PLA2G4E: variants seen among roughly 807,000 people sequenced by gnomAD.
The protein encoded by PLA2G4E is phospholipase A2 group IVE, also known as cytosolic phospholipase A2 epsilon.
In PLA2G4E, 84 loss-of-function variants were observed where a neutral mutation model predicts 109.1. The ratio of observed to expected loss-of-function variants is 0.77; its 90% CI spans 0.65 to 0.92. The LOEUF (loss-of-function observed/expected upper bound fraction) is 0.92, where lower values mean the gene tolerates loss of function less well. Among genes scored for constraint, PLA2G4E ranks in the 40% least tolerant of loss-of-function variants. The pLI, the probability that PLA2G4E is intolerant of heterozygous loss-of-function variation, is 0.00. For synonymous variants in PLA2G4E, 469 were observed against 436.1 expected, an observed-to-expected ratio of 1.08 and a Z score of -0.94; for missense variants, 1,057 against 1,076.6, an observed-to-expected ratio of 0.98 and a Z score of 0.25.
At chr15:42,035,159 C>T (rs981018793) in intron 1 of PLA2G4E, among the ~76,000 whole-genome samples, 2 of 152,250 alleles carry the variant, frequency 1.3e-5, no homozygotes, top group East Asian at 1.9e-4. Flanking sequence ...TTCTCCGAAT[C>T]GTGGGGGAAG....
chr15:42,019,917 C>T (rs1161436509), intron 1 of PLA2G4E, among the ~76,000 whole-genome samples: 2 of 152,224 alleles, frequency 1.3e-5, no homozygotes, highest in African/African-American at 2.4e-5. Context: ...TGCTTCACTG[C>T]CCCCTTTGAG....
At chr15:42,035,832 T>C (rs1235053982) in intron 1 of PLA2G4E, among the ~76,000 whole-genome samples, 1 of 152,208 alleles carries the variant, frequency 6.6e-6, no homozygotes, top group Non-Finnish European at 1.5e-5. Flanking sequence ...TATTGCTTTA[T>C]ACTTTTTTAA....
intron 1 of PLA2G4E, among the ~76,000 whole-genome samples, chr15:42,026,972 CAA>C (rs35499215): frequency 8.6e-5 from 12 of 140,248 alleles, no homozygotes; most frequent in Admixed American, 3.6e-4. Context: ...GACTCTATCT[CAA>C]AAAAAAAAAA....
chr15:41,987,224 C>T (rs751657528), exon 17 of PLA2G4E: 1 of 1,613,972 alleles, frequency 6.2e-7, no homozygotes, highest in Non-Finnish European at 8.5e-7. Context: ...GCAGCTGCAG[C>T]CCAGACAGGA....
At chr15:41,984,881 G>A (rs977323991) in intron 18 of PLA2G4E, among the ~76,000 whole-genome samples, 1 of 152,242 alleles carries the variant, frequency 6.6e-6, no homozygotes, top group African/African-American at 2.4e-5. Context: ...TCCAAACACA[G>A]ACTTGGGTGG....
Position 42,005,343 on chromosome 15 carries a change from C to A in PLA2G4E, c.526-365G>T, listed in dbSNP as rs145940564. 1.8e-3 allele frequency among the ~76,000 whole-genome samples: 275 copies of A among 152,348 alleles called. 1 individual carries two copies. Among genetic ancestry groups the A allele is most frequent in the Middle Eastern group, 3.4e-3 (1 of 294 alleles). Reference sequence around the variant, plus strand: ...AGCGCTGAGATACGCCTTCAGAAAGCCCATTCCTTCCTTCACTGAGTCCCT... The same window carrying A: ...AGCGCTGAGATACGCCTTCAGAAAGACCATTCCTTCCTTCACTGAGTCCCT... On this transcript the variant is annotated intron_variant, in intron 4 of 19. Transcript: ENST00000399518.
chr15:42,046,658 A>G (rs1308861934), intron 1 of PLA2G4E, among the ~76,000 whole-genome samples: 3 of 152,216 alleles, frequency 2.0e-5, no homozygotes, highest in Non-Finnish European at 2.9e-5. Flanking sequence ...GTTTCGTGAG[A>G]GCTGGATCTT....
chr15:42,049,079 C>T (rs941460419), intron 1 of PLA2G4E, among the ~76,000 whole-genome samples: 12 of 152,150 alleles, frequency 7.9e-5, no homozygotes, highest in African/African-American at 1.9e-4. Context: ...ACTTCTAGAA[C>T]GGAGGCAGAG....
chr15:42,010,177 G>C (rs535569211), intron 2 of PLA2G4E: 5 of 515,478 alleles, frequency 9.7e-6, no homozygotes, highest in East Asian at 5.7e-5. Context: ...GTCTGTCTCC[G>C]GTACGCTGGG....
chr15:41,981,777 G>C (rs948659622), exon 20 of PLA2G4E: 2 of 152,286 alleles, frequency 1.3e-5, no homozygotes, highest in Non-Finnish European at 2.9e-5. Context: ...TCAAAGTGGA[G>C]GCAGCCAGTT....
Position 41,986,135 on chromosome 15 carries a change from T to C in PLA2G4E, c.2036-130A>G, listed in dbSNP as rs2068138321. On this transcript the variant is annotated intron_variant, in intron 17 of 19. Transcript: ENST00000399518. ...CAGCCTGACCAGGACGCCCACTGAG[T>C]TCCAGTGCCCTCTGGGTGGCTGAGG... 6 of 887,190 alleles carry C rather than the reference T, an allele frequency of 6.8e-6. No homozygotes were observed. In the African/African-American group the frequency reaches 1.0e-4, roughly 15 times the overall value. 55.0% of individuals were successfully genotyped at this position (887,190 alleles called of 1,614,324 possible). A position where few individuals can be genotyped will look rare whatever the true frequency, so the allele number is the denominator to read the frequency against.
chr15:42,013,330 G>C (rs141810501), intron 2 of PLA2G4E, among the ~76,000 whole-genome samples: 1 of 152,198 alleles, frequency 6.6e-6, no homozygotes, highest in Non-Finnish European at 1.5e-5. Flanking sequence ...GGAGTGCTCC[G>C]TGTGGGCAAA....
intron 1 of PLA2G4E, among the ~76,000 whole-genome samples, chr15:42,022,543 G>A (rs970324526): frequency 6.6e-6 from 1 of 151,964 alleles, no homozygotes; most frequent in Admixed American, 6.6e-5. Flanking sequence ...GGTTATGGGA[G>A]AGAGTGACAG....
At chr15:42,018,593 G>C (rs752372540) in intron 1 of PLA2G4E, among the ~76,000 whole-genome samples, 3 of 152,178 alleles carry the variant, frequency 2.0e-5, no homozygotes, top group Non-Finnish European at 2.9e-5. Context: ...AAACAGTACA[G>C]AGGTATATTT....
Position 42,001,152 on chromosome 15 carries a change from C to A in PLA2G4E, c.673+5G>T, listed in dbSNP as rs776414193. 4 of 1,612,256 alleles carry A rather than the reference C, an allele frequency of 2.5e-6. No individual in the cohort carries two copies. The highest frequency in any genetic ancestry group is 3.4e-6 in the Non-Finnish European group (4 of 1,178,386). ...CCAGTAGGCAGAAAAGGCAAAACAGCTCACTTTTCTCCCTCTTCCTCCGCC... is the reference window on the plus strand; with the variant it reads ...CCAGTAGGCAGAAAAGGCAAAACAGATCACTTTTCTCCCTCTTCCTCCGCC... On this transcript the variant is annotated splice_donor_5th_base_variant and intron_variant, in intron 7 of 19. Coordinates refer to ENST00000399518, the Ensembl canonical transcript of PLA2G4E.
chr15:42,018,046 CTGGGAGGAAGG>C (rs2068613193), intron 1 of PLA2G4E, among the ~76,000 whole-genome samples: 1 of 152,188 alleles, frequency 6.6e-6, no homozygotes, highest in Non-Finnish European at 1.5e-5. Flanking sequence ...CCGGATCATG[CTGGGAGGAAGG>C]TGGCAGGAAT....
At chr15:42,020,459 C>T (rs1286102033) in intron 1 of PLA2G4E, among the ~76,000 whole-genome samples, 1 of 152,230 alleles carries the variant, frequency 6.6e-6, no homozygotes, top group Non-Finnish European at 1.5e-5. Context: ...TGAGCCTTGA[C>T]TGTAAACCCA....
chr15:42,031,730 G>A (rs377374218), intron 1 of PLA2G4E, among the ~76,000 whole-genome samples: 61 of 152,256 alleles, frequency 4.0e-4, no homozygotes, highest in African/African-American at 1.3e-3. Context: ...GGCACCTCTC[G>A]GAGACTCCCA....
chr15:42,044,953 G>T (rs1324073801), intron 1 of PLA2G4E, among the ~76,000 whole-genome samples: 1 of 152,038 alleles, frequency 6.6e-6, no homozygotes, highest in African/African-American at 2.4e-5. Context: ...GGACTCGAGA[G>T]GTATTTCTGA....
Sources: gnomAD v4.1 joint callset for allele counts (sites outside exome capture counted in the v4.1 genomes callset) on GRCh38, gnomAD v4.1.1 for gene constraint, MANE v1.5 for transcripts, NCBI Gene and HGNC (gene_info 2026-07-23, HGNC 2026-07-21) for gene names.